The following TSC22D2 variants were observed in gnomAD, a reference collection of about 807,000 sequenced individuals.
TSC22D2 encodes the protein TSC22 domain family protein 2.
Under a neutral mutation model 50.1 loss-of-function variants are expected in TSC22D2, and 5 were observed. The ratio of observed to expected loss-of-function variants is 0.10; its 90% confidence interval spans 0.05 to 0.21. The LOEUF (loss-of-function observed/expected upper bound fraction) is 0.21, where lower values mean the gene tolerates loss of function less well. TSC22D2 is among the 10% of genes least tolerant of loss of function. The pLI, the probability that TSC22D2 is intolerant of heterozygous loss-of-function variation, is 1.00. For synonymous variants in TSC22D2, 501 were observed against 450.1 expected, an observed-to-expected ratio of 1.11 and a Z score of -1.43; for missense variants, 1,003 against 1,015.5, an observed-to-expected ratio of 0.99 and a Z score of 0.17.
intron 1 of TSC22D2, among the ~76,000 whole-genome samples, chr3:150,435,470 T>G (rs576235555): frequency 1.3e-5 from 2 of 152,220 alleles, no homozygotes; most frequent in Admixed American, 6.5e-5. Flanking sequence ...GTTTCCCCCC[T>G]TTCTCCATTT....
At chr3:150,425,370 C>A (rs186369385) in intron 1 of TSC22D2, among the ~76,000 whole-genome samples, 1 of 151,984 alleles carries the variant, frequency 6.6e-6, no homozygotes, top group Non-Finnish European at 1.5e-5. Context: ...ACTAAAAATA[C>A]AAAAATTAGC....
intron 1 of TSC22D2, among the ~76,000 whole-genome samples, chr3:150,455,833 G>C (rs746686339): frequency 6.6e-6 from 1 of 152,178 alleles, no homozygotes; most frequent in Non-Finnish European, 1.5e-5. Flanking sequence ...GATACAATAA[G>C]CTACAGTATC....
intron 1 of TSC22D2, among the ~76,000 whole-genome samples, chr3:150,445,318 AT>A (rs1298521061): frequency 8.3e-4 from 7 of 8,404 alleles, no homozygotes; most frequent in South Asian, 7.5e-3. Flanking sequence ...TGTCTCAAAA[AT>A]AATAATAATA....
intron 1 of TSC22D2, among the ~76,000 whole-genome samples, chr3:150,412,540 GA>G (rs1719630942): frequency 6.6e-6 from 1 of 152,110 alleles, no homozygotes; most frequent in African/African-American, 2.4e-5. Context: ...CTGTTGGTTT[GA>G]AAAATACTCA....
At chr3:150,413,918 T>G (rs1576541118) in intron 1 of TSC22D2, among the ~76,000 whole-genome samples, 1 of 152,082 alleles carries the variant, frequency 6.6e-6, no homozygotes, top group East Asian at 1.9e-4. Flanking sequence ...GTAAACAGTC[T>G]ATTTCTTTGA....
At chr3:150,437,391 A>G (rs558413261) in intron 1 of TSC22D2, among the ~76,000 whole-genome samples, 11 of 152,208 alleles carry the variant, frequency 7.2e-5, no homozygotes, top group African/African-American at 7.2e-5. Context: ...TATGTTGTCT[A>G]TTTTCAAAAT....
chr3:150,414,946 A>T (rs1719745223), intron 1 of TSC22D2, among the ~76,000 whole-genome samples: 1 of 149,832 alleles, frequency 6.7e-6, no homozygotes, highest in Non-Finnish European at 1.5e-5. Context: ...TGATGTCTGA[A>T]TCACATACTA....
At chr3:150,412,663 C>A (rs1365526664) in intron 1 of TSC22D2, among the ~76,000 whole-genome samples, 1 of 152,078 alleles carries the variant, frequency 6.6e-6, no homozygotes, top group South Asian at 2.1e-4. Flanking sequence ...TTAGAGAATA[C>A]CACGTGTCCA....
Position 150,409,298 on chromosome 3 carries a change from C to A in TSC22D2, c.-53C>A. On this transcript the variant is annotated 5_prime_UTR_variant, in exon 1 of 3. Coordinates refer to ENST00000688009, the MANE Select transcript of TSC22D2 (RefSeq NM_001303264.2). This position sits in a 1 kb window ranked among gnomAD's most constrained non-coding sequence, Gnocchi z 7.4. ...CCCGTGCTCTGCCCTCCCCGGTTTCCGACAGGACCCAGAGGAGCCGGCGTG... is the reference window on the plus strand; with the variant it reads ...CCCGTGCTCTGCCCTCCCCGGTTTCAGACAGGACCCAGAGGAGCCGGCGTG... 6.5e-7 allele frequency: 1 copy of A among 1,530,172 alleles called. No individual in the cohort carries two copies. Among genetic ancestry groups the A allele is most frequent in the Non-Finnish European group, 8.8e-7 (1 of 1,136,118 alleles). 94.8% of individuals were successfully genotyped at this position (1,530,172 alleles called of 1,614,324 possible). A position where few individuals can be genotyped will look rare whatever the true frequency, so the allele number is the denominator to read the frequency against.
Position 150,410,576 on chromosome 3 carries a change from CCACCCTTCCCGTGGG to C in TSC22D2, c.1231_1245del (p.Leu411_Thr415del). 1 of 1,552,622 alleles carries C rather than the reference CCACCCTTCCCGTGGG, an allele frequency of 6.4e-7. No individual in the cohort carries two copies. Among genetic ancestry groups the C allele is most frequent in the Non-Finnish European group, 8.7e-7 (1 of 1,150,960 alleles). ...GCCGCAGCGAGCCCCGCCACGGCGG[CCACCCTTCCCGTGGG>C]CACCGGCCAGAATGCTTCCTCGGTG... On this transcript the variant is annotated inframe_deletion, in exon 1 of 3. Transcript: ENST00000688009.
chr3:150,453,472 G>A (rs1419269575), intron 1 of TSC22D2, among the ~76,000 whole-genome samples: 4 of 152,262 alleles, frequency 2.6e-5, no homozygotes, highest in East Asian at 1.9e-4. Context: ...TATCTCCATC[G>A]TAAATATGGC....
chr3:150,440,538 C>T (rs79061641), intron 1 of TSC22D2, among the ~76,000 whole-genome samples: 1 of 151,762 alleles, frequency 6.6e-6, no homozygotes, highest in East Asian at 1.9e-4. Flanking sequence ...TTATAAACAG[C>T]AAACACTAGG....
At chr3:150,425,070 G>A (rs1025853698) in intron 1 of TSC22D2, among the ~76,000 whole-genome samples, 6 of 152,178 alleles carry the variant, frequency 3.9e-5, no homozygotes, top group Admixed American at 6.5e-5. Context: ...AGATTTGTGT[G>A]TGTTAAGCTT....
intron 1 of TSC22D2, among the ~76,000 whole-genome samples, chr3:150,451,201 G>A (rs968101991): frequency 6.6e-6 from 1 of 152,136 alleles, no homozygotes; most frequent in Non-Finnish European, 1.5e-5. Flanking sequence ...AAAGTTAGAG[G>A]AGTCTTTGAG....
chr3:150,419,386 G>T (rs1417157989), intron 1 of TSC22D2, among the ~76,000 whole-genome samples: 9 of 152,066 alleles, frequency 5.9e-5, no homozygotes, highest in Admixed American at 3.3e-4. Flanking sequence ...CTGATTTGTT[G>T]TATTGTAACC....
Position 150,409,057 on chromosome 3 carries a change from T to C in TSC22D2, c.-294T>C. 7.2e-6 allele frequency: 2 copies of C among 278,668 alleles called. No homozygotes were observed. The highest frequency in any genetic ancestry group is 1.4e-5 in the Non-Finnish European group (2 of 146,788). 17.3% of individuals were successfully genotyped at this position (278,668 alleles called of 1,614,324 possible). On this transcript the variant is annotated 5_prime_UTR_variant, in exon 1 of 3. Coordinates refer to ENST00000688009, the MANE Select transcript of TSC22D2 (RefSeq NM_001303264.2). This position sits in a 1 kb window ranked among gnomAD's most constrained non-coding sequence, Gnocchi z 7.4. ...CCTGGGTTCGCGCTCTCGCCGCCTCTGAGGGAATTGAATTGAGGCGCCGCG... is the reference window on the plus strand; with the variant it reads ...CCTGGGTTCGCGCTCTCGCCGCCTCCGAGGGAATTGAATTGAGGCGCCGCG...
At chr3:150,414,513 T>C (rs1719726572) in intron 1 of TSC22D2, among the ~76,000 whole-genome samples, 1 of 152,202 alleles carries the variant, frequency 6.6e-6, no homozygotes, top group Admixed American at 6.5e-5. Context: ...AATTGTGAGC[T>C]GTCATCTGTG....
intron 1 of TSC22D2, among the ~76,000 whole-genome samples, chr3:150,420,623 T>C (rs1297323553): frequency 6.6e-6 from 1 of 152,240 alleles, no homozygotes; most frequent in Non-Finnish European, 1.5e-5. Flanking sequence ...ACTACAAATA[T>C]GTTCGTTTTT....
chr3:150,431,086 G>A lies in TSC22D2; in HGVS notation c.1958+19778G>A, dbSNP rs529864669. Among the ~76,000 whole-genome samples the A allele has an allele frequency of 3.2e-4, 48 of 151,576 alleles. No homozygotes were observed. In the East Asian group the frequency reaches 6.6e-3, roughly 21 times the overall value. On this transcript the variant is annotated intron_variant, in intron 1 of 2. Coordinates refer to ENST00000688009, the MANE Select transcript of TSC22D2 (RefSeq NM_001303264.2). The stretch of plus-strand genomic sequence containing the variant: ...CTAAAAATACAAAAATTAGCCAGGC[G>A]TGGTGGCAGGCACCTATAGTCCCAG...
Sources: gnomAD v4.1 joint callset for allele counts (sites outside exome capture counted in the v4.1 genomes callset) on GRCh38, gnomAD v4.1.1 for gene constraint, Gnocchi (gnomAD v3.1) non-coding constraint, MANE v1.5 for transcripts, NCBI Gene and HGNC (gene_info 2026-07-23, HGNC 2026-07-21) for gene names.